Variants in DLGAP2 observed in about 807,000 individuals in gnomAD.
DLGAP2 encodes disks large-associated protein 2.
Under a neutral mutation model 100.3 loss-of-function variants are expected in DLGAP2, and 26 were observed. That is an observed-to-expected ratio of 0.26 (90% CI 0.19 to 0.36). DLGAP2 has a LOEUF of 0.36. DLGAP2 is among the 10% of genes least tolerant of loss of function. The probability of loss-of-function intolerance (pLI) is 1.00; values close to 1 mark genes in which losing one functional copy is unlikely to be tolerated. For synonymous variants in DLGAP2, 886 were observed against 630.1 expected (o/e 1.41, Z -6.08); for missense variants, 1,858 against 1,453.2 (o/e 1.28, Z -4.53).
intron 6 of DLGAP2, among the ~76,000 whole-genome samples, chr8:1,626,127 G>GTA (rs1797489438): frequency 1.6e-5 from 2 of 126,380 alleles, no homozygotes; most frequent in Admixed American, 8.1e-5. Flanking sequence ...TCCCACCTCT[G>GTA]CCCTGTGGCG....
intron 5 of DLGAP2, among the ~76,000 whole-genome samples, chr8:1,564,483 C>G (rs1371975057): frequency 6.6e-6 from 1 of 152,188 alleles, no homozygotes; most frequent in Non-Finnish European, 1.5e-5. Context: ...AGTTCTCGAA[C>G]AGTCAGATAC....
intron 2 of DLGAP2, among the ~76,000 whole-genome samples, chr8:1,239,537 G>T (rs1366945178): frequency 2.7e-5 from 3 of 112,340 alleles, no homozygotes; most frequent in Admixed American, 9.7e-5. Flanking sequence ...GCCGTGTCTA[G>T]TTCTCTCACA....
intron 4 of DLGAP2, among the ~76,000 whole-genome samples, chr8:1,526,170 G>C (rs1275012009): frequency 6.6e-6 from 1 of 151,408 alleles, no homozygotes; most frequent in Non-Finnish European, 1.5e-5. Flanking sequence ...ACGGGCTTCA[G>C]TTCCTGAACG....
intron 2 of DLGAP2, among the ~76,000 whole-genome samples, chr8:1,233,271 C>G (rs1026265087): frequency 3.9e-5 from 6 of 152,226 alleles, no homozygotes; most frequent in Non-Finnish European, 8.8e-5. Flanking sequence ...TGTGAGCATC[C>G]TGGATGCATT....
chr8:1,246,476 C>G (rs534288277), intron 2 of DLGAP2, among the ~76,000 whole-genome samples: 1 of 152,340 alleles, frequency 6.6e-6, no homozygotes, highest in South Asian at 2.1e-4. Flanking sequence ...AGCCTCCTCT[C>G]ACTGAGGGGA....
intron 2 of DLGAP2, among the ~76,000 whole-genome samples, chr8:1,238,384 A>AGTTCTCTC (rs2116852138): frequency 3.2e-5 from 1 of 31,066 alleles, no homozygotes; most frequent in Non-Finnish European, 6.3e-5. Flanking sequence ...CGCCGTGTCT[A>AGTTCTCTC]ATTCTCTCAC....
intron 2 of DLGAP2, among the ~76,000 whole-genome samples, chr8:1,101,903 T>C (rs116869103): frequency 0.022 from 2,715 of 122,906 alleles, 55 homozygotes; most frequent in East Asian, 0.074. Context: ...CACGACACGA[T>C]GATGGGAAGG....
chr8:1,623,000 G>GT (rs1797387167), intron 6 of DLGAP2, among the ~76,000 whole-genome samples: 1 of 152,186 alleles, frequency 6.6e-6, no homozygotes, highest in African/African-American at 2.4e-5. Flanking sequence ...TAGTTCTTGA[G>GT]TTTTGATCTG....
In DLGAP2 at chr8:1,668,445, C is replaced by T; in HGVS notation, c.1927C>T (p.Gln643Ter). 1 of 1,599,502 alleles carries T rather than the reference C, an allele frequency of 6.3e-7. No homozygotes were observed. Among genetic ancestry groups the T allele is most frequent in the Non-Finnish European group, 8.5e-7 (1 of 1,173,788 alleles). Residue 643 changes from glutamine (Q) to a stop codon, truncating the protein, a stop_gained, in exon 9 of 15, where the codon CAG becomes TAG. Coordinates refer to ENST00000637795, the MANE Select transcript of DLGAP2 (RefSeq NM_001346810.2). LOFTEE classifies it high-confidence loss of function. ...CACCGAATCCACCCAGGACGCCTAC[C>T]AGGACAGCCGCGCACAGAGGATGTC... is the stretch of plus-strand genomic sequence containing the variant. ...SSTESTQDAY[Q>*]DSRAQRMSPW...
chr8:766,677 G>A (rs185048434), intron 1 of DLGAP2, among the ~76,000 whole-genome samples: 1 of 152,322 alleles, frequency 6.6e-6, no homozygotes, highest in East Asian at 1.9e-4. Context: ...CAGTCTCACA[G>A]AGGATGGTTT....
intron 2 of DLGAP2, among the ~76,000 whole-genome samples, chr8:937,225 C>T (rs1799092252): frequency 6.6e-6 from 1 of 152,196 alleles, no homozygotes; most frequent in Non-Finnish European, 1.5e-5. Flanking sequence ...GATCTCTCAG[C>T]TGTGAGTCCT....
chr8:1,303,335 T>G (rs1410006641), intron 3 of DLGAP2, among the ~76,000 whole-genome samples: 2 of 147,276 alleles, frequency 1.4e-5, no homozygotes, highest in South Asian at 2.1e-4. Flanking sequence ...AGGCGGAGCT[T>G]GCACAGAGCC....
intron 3 of DLGAP2, among the ~76,000 whole-genome samples, chr8:1,359,463 G>T (rs1801928111): frequency 6.6e-6 from 1 of 152,258 alleles, no homozygotes; most frequent in Non-Finnish European, 1.5e-5. Flanking sequence ...GTGGGCGTGG[G>T]GACACGGGTG....
intron 3 of DLGAP2, among the ~76,000 whole-genome samples, chr8:1,431,977 G>A (rs1297790928): frequency 1.2e-3 from 161 of 138,816 alleles, no homozygotes; most frequent in African/African-American, 4.0e-3. Context: ...GCCATCCATC[G>A]GGGCTGAATC....
intron 2 of DLGAP2, among the ~76,000 whole-genome samples, chr8:1,103,328 G>C (rs1193599671): frequency 1.3e-5 from 2 of 151,394 alleles, no homozygotes; most frequent in African/African-American, 4.8e-5. Context: ...CTTGGTTAAC[G>C]GTGATGACTG....
intron 2 of DLGAP2, among the ~76,000 whole-genome samples, chr8:995,681 G>A (rs771731613): frequency 6.6e-6 from 1 of 152,194 alleles, no homozygotes; most frequent in Non-Finnish European, 1.5e-5. Context: ...AAACAGAAGT[G>A]ACTCAGCATG....
Position 1,190,783 on chromosome 8 carries a change from G to A in DLGAP2, c.74-68068G>A, listed in dbSNP as rs377472639. ...ACCCATGACTAGAGCCCAGGTTCCA[G>A]GTGCACGCAGCAGCAAGGCGTGGGG... On this transcript the variant is annotated intron_variant, in intron 2 of 14. Coordinates refer to ENST00000637795, the MANE Select transcript of DLGAP2 (RefSeq NM_001346810.2). 3.9e-5 allele frequency among the ~76,000 whole-genome samples: 6 copies of A among 152,136 alleles called. No individual in the cohort carries two copies. The East Asian group carries it at 1.2e-3, about 29-fold the overall frequency.
intron 3 of DLGAP2, among the ~76,000 whole-genome samples, chr8:1,318,066 G>A (rs77746481): frequency 0.18 from 2,754 of 15,436 alleles, 1 homozygote; most frequent in South Asian, 0.24. Flanking sequence ...CGAGACACTC[G>A]TCAGTGTTTA....
At chr8:1,617,717 T>A (rs889956004) in intron 6 of DLGAP2, among the ~76,000 whole-genome samples, 3 of 152,226 alleles carry the variant, frequency 2.0e-5, no homozygotes, top group Admixed American at 2.0e-4. Context: ...TTAAGTTTAA[T>A]TAGATCCCAT....
Sources: gnomAD v4.1 joint callset for allele counts (sites outside exome capture counted in the v4.1 genomes callset) on GRCh38, gnomAD v4.1.1 for gene constraint, MANE v1.5 for transcripts, NCBI Gene and HGNC (gene_info 2026-07-23, HGNC 2026-07-21) for gene names.